EYS: variants seen among roughly 807,000 people sequenced by gnomAD.
EYS encodes the protein protein eyes shut homolog.
In EYS, 250 loss-of-function variants were observed where a neutral mutation model predicts 282.1. The ratio of observed to expected loss-of-function variants is 0.89; its 90% CI spans 0.80 to 0.98. The LOEUF (loss-of-function observed/expected upper bound fraction) is 0.98. EYS is among the 50% of genes least tolerant of loss of function. The probability of loss-of-function intolerance (pLI) is 0.00; values close to 1 mark genes in which losing one functional copy is unlikely to be tolerated. For synonymous variants in EYS, 1,355 were observed against 1,282.9 expected (o/e 1.06, Z -1.20); for missense variants, 4,016 against 3,709.0 (o/e 1.08, Z -2.15).
chr6:65,127,812 C>T (rs1775763248), intron 12 of EYS, among the ~76,000 whole-genome samples: 1 of 152,058 alleles, frequency 6.6e-6, no homozygotes, highest in South Asian at 2.1e-4. Context: ...GCTAAGACCT[C>T]ATATATTAAA....
intron 5 of EYS, among the ~76,000 whole-genome samples, chr6:65,439,486 G>C (rs1248664109): frequency 6.6e-6 from 1 of 152,126 alleles, no homozygotes; most frequent in East Asian, 1.9e-4. Context: ...CATGAGCATG[G>C]AATGTTCTTC....
Position 65,706,022 on chromosome 6 carries a change from T to C in EYS, c.-448+1113A>G, listed in dbSNP as rs10080559. Among the ~76,000 whole-genome samples the C allele has an allele frequency of 5.8e-4, 88 of 151,910 alleles. 1 individual carries two copies. Among genetic ancestry groups the C allele is most frequent in the African/African-American group, 2.0e-3 (81 of 41,524 alleles). On this transcript the variant is annotated intron_variant, in intron 1 of 42. Transcript: ENST00000503581. ...TAGAATTGATAATATAAATATAGTA[T>C]GAAAATTAACTGCAAAGTAATATAT... is the stretch of plus-strand genomic sequence containing the variant.
intron 19 of EYS, among the ~76,000 whole-genome samples, chr6:64,886,182 C>T (rs1259533282): frequency 6.6e-6 from 1 of 151,792 alleles, no homozygotes; most frequent in Non-Finnish European, 1.5e-5. Flanking sequence ...AGGGCTAATG[C>T]CTCTACCTTC....
chr6:65,631,095 AATT>A (rs1766893880), intron 2 of EYS, among the ~76,000 whole-genome samples: 1 of 152,210 alleles, frequency 6.6e-6, no homozygotes, highest in Non-Finnish European at 1.5e-5. Flanking sequence ...ATAAACCTCT[AATT>A]CGCAGGAATA....
intron 35 of EYS, among the ~76,000 whole-genome samples, chr6:63,953,922 AC>A (rs1417431001): frequency 6.6e-6 from 1 of 152,086 alleles, no homozygotes; most frequent in African/African-American, 2.4e-5. Flanking sequence ...CTGCCCTAAT[AC>A]TTTTAGAGGC....
intron 31 of EYS, among the ~76,000 whole-genome samples, chr6:64,093,337 C>T: frequency 6.6e-6 from 1 of 152,126 alleles, no homozygotes; most frequent in Non-Finnish European, 1.5e-5. Context: ...CTATAAATTA[C>T]CTCGGGCAGT....
intron 13 of EYS, among the ~76,000 whole-genome samples, chr6:65,054,148 A>C (rs1013094430): frequency 2.0e-5 from 3 of 152,008 alleles, no homozygotes; most frequent in African/African-American, 7.2e-5. Context: ...GTATTCAAGG[A>C]AAGTCTTTCC....
intron 33 of EYS, among the ~76,000 whole-genome samples, chr6:64,041,953 T>C (rs1240101564): frequency 1.3e-5 from 2 of 152,190 alleles, no homozygotes; most frequent in African/African-American, 4.8e-5. Context: ...CTGCCTTTGC[T>C]TTTCATGCAT....
At chr6:65,592,589 G>C (rs1440131761) in intron 2 of EYS, among the ~76,000 whole-genome samples, 1 of 151,800 alleles carries the variant, frequency 6.6e-6, no homozygotes, top group Non-Finnish European at 1.5e-5. Flanking sequence ...CACCCAGAGG[G>C]GTAAACGCCA....
chr6:65,701,693 A>C (rs1221542525), intron 1 of EYS, among the ~76,000 whole-genome samples: 2 of 152,084 alleles, frequency 1.3e-5, no homozygotes, highest in African/African-American at 4.8e-5. Context: ...ACACCTCTCC[A>C]GAAATAAAAG....
intron 29 of EYS, chr6:64,377,650 T>C (rs1320027882): frequency 2.6e-5 from 4 of 152,178 alleles, no homozygotes; most frequent in Non-Finnish European, 4.4e-5. Flanking sequence ...TATTAACTAC[T>C]ATTAGAAGGA....
At chr6:65,437,118 T>A (rs1440254329) in intron 5 of EYS, among the ~76,000 whole-genome samples, 1 of 152,168 alleles carries the variant, frequency 6.6e-6, no homozygotes, top group East Asian at 1.9e-4. Flanking sequence ...TTTCTCTTTT[T>A]CTTTATACTA....
At chr6:65,405,043 C>G (rs573745052) in intron 6 of EYS, 131 bp downstream of exon 6, 3 of 620,360 alleles carry the variant, frequency 4.8e-6, no homozygotes, top group Non-Finnish European at 8.2e-6. Context: ...ATAAGTAGAC[C>G]GTTCTTGTTC....
At chr6:64,255,928 TA>T (rs1023678560) in intron 30 of EYS, among the ~76,000 whole-genome samples, 3 of 151,852 alleles carry the variant, frequency 2.0e-5, no homozygotes, top group Admixed American at 2.0e-4. Flanking sequence ...ATCACATAGT[TA>T]AAAAAAAGTT....
At chr6:65,392,635 C>G (rs1226765305) in intron 7 of EYS, among the ~76,000 whole-genome samples, 2 of 152,124 alleles carry the variant, frequency 1.3e-5, no homozygotes, top group African/African-American at 2.4e-5. Context: ...CCATCTCACA[C>G]CAGTTAGAAT....
intron 24 of EYS, among the ~76,000 whole-genome samples, chr6:64,598,455 C>T (rs1408012431): frequency 3.3e-5 from 5 of 152,134 alleles, no homozygotes; most frequent in Non-Finnish European, 7.4e-5. Context: ...TGCGAGACTC[C>T]GTCTCAAAAA....
rs1453027998 is a variant in EYS at position 63,943,613 on chromosome 6, C to T, written c.7055+40770G>A. On this transcript the variant is annotated intron_variant, in intron 35 of 42. Transcript: ENST00000503581. The stretch of plus-strand genomic sequence containing the variant: ...AAGTTCAAATTTAATTAAAACTACA[C>T]ACTAGACCAAAAACGGTGTTTAGTT... Among the ~76,000 whole-genome samples the T allele has an allele frequency of 2.0e-5, 3 of 152,260 alleles. No individual in the cohort carries two copies. The East Asian group carries it at 5.8e-4, about 29-fold the overall frequency.
At chr6:64,339,846 T>C (rs1323423228) in intron 29 of EYS, among the ~76,000 whole-genome samples, 1 of 151,684 alleles carries the variant, frequency 6.6e-6, no homozygotes, top group African/African-American at 2.4e-5. Flanking sequence ...GGAGCTAAAC[T>C]GTGAGGACAC....
intron 27 of EYS, among the ~76,000 whole-genome samples, chr6:64,436,790 A>G (rs1774766024): frequency 6.6e-6 from 1 of 151,810 alleles, no homozygotes; most frequent in Admixed American, 6.6e-5. Flanking sequence ...GAGAGGAAAA[A>G]TCATGTCTAT....
Sources: allele counts gnomAD v4.1 joint callset (sites outside exome capture counted in the v4.1 genomes callset), GRCh38; gene constraint gnomAD v4.1.1; transcripts MANE v1.5; gene names NCBI Gene and HGNC (gene_info 2026-07-23, HGNC 2026-07-21).